Variants in RNF13 observed in about 807,000 individuals in gnomAD.
RNF13 encodes ring finger protein 13.
A neutral mutation model predicts 37.7 loss-of-function variants in RNF13; 19 were observed. That is an observed-to-expected ratio of 0.50 (90% CI 0.35 to 0.74). The LOEUF (loss-of-function observed/expected upper bound fraction) is 0.74, where lower values mean the gene tolerates loss of function less well. Ranked by LOEUF, RNF13 falls within the 30% of genes least tolerant of loss-of-function variation. RNF13 has a pLI of 0.01. For missense variants in RNF13, 375 were observed against 453.0 expected (o/e 0.83, Z 1.56); for synonymous variants, 144 against 157.8 (o/e 0.91, Z 0.65).
chr3:149,842,791 A>C (rs73870443), intron 1 of RNF13, among the ~76,000 whole-genome samples: 1 of 152,356 alleles, frequency 6.6e-6, no homozygotes, highest in African/African-American at 2.4e-5. Context: ...TATTTTGTAT[A>C]AACAAATTAC....
intron 4 of RNF13, among the ~76,000 whole-genome samples, chr3:149,882,983 A>G (rs1713595829): frequency 6.6e-6 from 1 of 152,210 alleles, no homozygotes. Context: ...AAACAGTTTT[A>G]AAATAAGCCC....
chr3:149,910,159 C>T (rs1325857701), intron 6 of RNF13, among the ~76,000 whole-genome samples: 1 of 152,080 alleles, frequency 6.6e-6, no homozygotes, highest in African/African-American at 2.4e-5. Context: ...GTACCACTGG[C>T]TCAGGGCAGT....
At chr3:149,952,420 G>A (rs79055156) in intron 8 of RNF13, among the ~76,000 whole-genome samples, 1 of 152,028 alleles carries the variant, frequency 6.6e-6, no homozygotes, top group East Asian at 1.9e-4. Context: ...TAACTGAAAC[G>A]GACAGGTTTT....
intron 3 of RNF13, among the ~76,000 whole-genome samples, chr3:149,856,893 G>A (rs962454409): frequency 6.6e-5 from 10 of 151,680 alleles, no homozygotes; most frequent in South Asian, 6.2e-4. Context: ...GACTACAGGC[G>A]CCCGCCACTA....
chr3:149,893,208 G>A (rs1181806586), intron 4 of RNF13, among the ~76,000 whole-genome samples: 3 of 152,026 alleles, frequency 2.0e-5, no homozygotes, highest in South Asian at 2.1e-4. Flanking sequence ...GTTTTTACTC[G>A]TTGTGCTTTC....
chr3:149,887,131 G>T, intron 4 of RNF13, among the ~76,000 whole-genome samples: 1 of 152,190 alleles, frequency 6.6e-6, no homozygotes. Context: ...CCCGCTTCCC[G>T]GCAGCAACCA....
chr3:149,908,069 G>A (rs1033678619), intron 6 of RNF13, among the ~76,000 whole-genome samples: 2 of 152,170 alleles, frequency 1.3e-5, no homozygotes, highest in African/African-American at 2.4e-5. Flanking sequence ...GAGTTGGTCC[G>A]ATTAGCATTT....
intron 3 of RNF13, among the ~76,000 whole-genome samples, chr3:149,865,369 T>G (rs961297016): frequency 6.8e-6 from 1 of 146,116 alleles, no homozygotes; most frequent in African/African-American, 2.5e-5. Context: ...ACAGACATTA[T>G]ATTTGTTGTA....
intron 1 of RNF13, among the ~76,000 whole-genome samples, chr3:149,818,603 T>A (rs1224731402): frequency 6.6e-6 from 1 of 152,036 alleles, no homozygotes; most frequent in Non-Finnish European, 1.5e-5. Flanking sequence ...ATATACCCCC[T>A]AGATTGAGGG....
At chr3:149,849,993 T>A (rs1459520059) in intron 2 of RNF13, among the ~76,000 whole-genome samples, 1 of 151,996 alleles carries the variant, frequency 6.6e-6, no homozygotes, top group Admixed American at 6.6e-5. Context: ...TTTTTTTTTT[T>A]TTTTGAGATG....
In RNF13 at chr3:149,895,009, G is replaced by T. The variant is rs529515740; in HGVS notation, c.322-464G>T. On this transcript the variant is annotated intron_variant, in intron 4 of 9. Coordinates refer to ENST00000392894, the MANE Select transcript of RNF13 (RefSeq NM_183381.3). ...GAACCAGAGTAAGCAACTTCAGCCT[G>T]CAGGTATTTTTAAGTTTTTAAAAAG... 3.3e-5 allele frequency among the ~76,000 whole-genome samples: 5 copies of T among 152,212 alleles called. No individual in the cohort carries two copies. The East Asian group carries it at 9.6e-4, about 29-fold the overall frequency.
chr3:149,913,543 T>C (rs950964060), intron 7 of RNF13, among the ~76,000 whole-genome samples: 1 of 152,224 alleles, frequency 6.6e-6, no homozygotes, highest in Non-Finnish European at 1.5e-5. Flanking sequence ...TTCATTAATG[T>C]ACTCTTTCTG....
rs1468440578 is a variant in RNF13 at position 149,955,054 on chromosome 3, G to A, written c.701-5002G>A. Among the ~76,000 whole-genome samples the A allele has an allele frequency of 6.6e-5, 10 of 152,238 alleles. No individual in the cohort carries two copies. The East Asian group carries it at 1.9e-3, about 29-fold the overall frequency. On this transcript the variant is annotated intron_variant, in intron 8 of 9. Transcript: ENST00000392894. ...TCCCTTGCCCCATTAGTATGTTAAA[G>A]CAGCCAGATCCCTGAAATATAAATG... is the stretch of plus-strand genomic sequence containing the variant.
chr3:149,945,175 G>A (rs1470931381), intron 8 of RNF13, among the ~76,000 whole-genome samples: 3 of 152,192 alleles, frequency 2.0e-5, no homozygotes, highest in Non-Finnish European at 2.9e-5. Flanking sequence ...CTATATCTCT[G>A]TCTTGGTAGC....
intron 8 of RNF13, among the ~76,000 whole-genome samples, chr3:149,948,881 A>G (rs1226830607): frequency 6.6e-6 from 1 of 152,198 alleles, no homozygotes; most frequent in African/African-American, 2.4e-5. Context: ...CACAAAAATT[A>G]GCCAGGCATG....
intron 6 of RNF13, among the ~76,000 whole-genome samples, chr3:149,903,459 A>G (rs889675030): frequency 1.3e-5 from 2 of 152,160 alleles, no homozygotes; most frequent in African/African-American, 4.8e-5. Context: ...GAAAGTCTCT[A>G]TGTGACACTA....
chr3:149,918,839 A>AT (rs969567981), intron 7 of RNF13, among the ~76,000 whole-genome samples: 2 of 151,358 alleles, frequency 1.3e-5, no homozygotes, highest in African/African-American at 2.4e-5. Context: ...CTATCCCTTT[A>AT]TTTTTTACTT....
chr3:149,916,185 T>C (rs1012257138), intron 7 of RNF13, among the ~76,000 whole-genome samples: 3 of 152,166 alleles, frequency 2.0e-5, no homozygotes, highest in African/African-American at 4.8e-5. Flanking sequence ...CTCATAGTTA[T>C]ATAGACATTC....
At chr3:149,861,480 TGAATG>T (rs1724249790) in intron 3 of RNF13, among the ~76,000 whole-genome samples, 2 of 152,168 alleles carry the variant, frequency 1.3e-5, no homozygotes. Flanking sequence ...TGTCACAACA[TGAATG>T]GAATTAGAGA....
Sources: gnomAD v4.1 joint callset for allele counts (sites outside exome capture counted in the v4.1 genomes callset) on GRCh38, gnomAD v4.1.1 for gene constraint, MANE v1.5 for transcripts, NCBI Gene and HGNC (gene_info 2026-07-23, HGNC 2026-07-21) for gene names.